The following MCC variants were observed in gnomAD, a reference collection of about 807,000 sequenced individuals.
The protein encoded by MCC is MCC regulator of Wnt signaling pathway.
In MCC, 90 loss-of-function variants were observed where a neutral mutation model predicts 116.2. The ratio of observed to expected loss-of-function variants is 0.77; its 90% CI spans 0.65 to 0.92. The LOEUF is 0.92. Ranked by LOEUF, MCC falls within the 40% of genes least tolerant of loss-of-function variation. MCC has a pLI of 0.00. For synonymous variants in MCC, 578 were observed against 510.5 expected, an observed-to-expected ratio of 1.13 and a Z score of -1.78; for missense variants, 1,516 against 1,312.2, an observed-to-expected ratio of 1.16 and a Z score of -2.40.
chr5:113,289,222 T>C (rs887243398), intron 3 of MCC, among the ~76,000 whole-genome samples: 2 of 150,172 alleles, frequency 1.3e-5, no homozygotes. Flanking sequence ...TCCCAGCTAC[T>C]CAGGAGGCTG....
intron 1 of MCC, among the ~76,000 whole-genome samples, chr5:113,406,897 T>C (rs556738296): frequency 6.6e-6 from 1 of 152,272 alleles, no homozygotes; most frequent in African/African-American, 2.4e-5. Context: ...TCCTTAGGCC[T>C]GCCTTAAAGG....
At chr5:113,414,067 T>A (rs548476112) in intron 1 of MCC, among the ~76,000 whole-genome samples, 120 of 152,312 alleles carry the variant, frequency 7.9e-4, no homozygotes, top group African/African-American at 2.7e-3. Context: ...TCAGTTTCCA[T>A]GTAGTTGTGC....
At chr5:113,416,229 C>T (rs572782747) in intron 1 of MCC, among the ~76,000 whole-genome samples, 110 of 152,300 alleles carry the variant, frequency 7.2e-4, no homozygotes, top group Admixed American at 2.9e-3. Context: ...AAGGTCCCGA[C>T]TTTTCTGTAT....
At chr5:113,440,357 C>G (rs536150868) in intron 1 of MCC, among the ~76,000 whole-genome samples, 72 of 152,262 alleles carry the variant, frequency 4.7e-4, no homozygotes, top group African/African-American at 1.6e-3. Context: ...CCCTCAGACA[C>G]TCTACTTCAG....
chr5:113,376,334 A>G (rs1262048162), intron 2 of MCC, among the ~76,000 whole-genome samples: 1 of 152,194 alleles, frequency 6.6e-6, no homozygotes, highest in Admixed American at 6.5e-5. Context: ...TACTCACCCA[A>G]TGCATGCCCT....
In MCC at chr5:113,084,031, G is replaced by A. The variant is rs941871771; in HGVS notation, c.1635+70C>T. On this transcript the variant is annotated intron_variant, in intron 10 of 18. Transcript: ENST00000408903. Reference sequence around the variant, plus strand: ...GGAGATAGACTTTGGAAGTTCTTCTGTCATCTATAATCCATTGTCTGTGTA... The same window carrying A: ...GGAGATAGACTTTGGAAGTTCTTCTATCATCTATAATCCATTGTCTGTGTA... The A allele has an allele frequency of 4.1e-6, 5 of 1,205,312 alleles. No individual in the cohort carries two copies. The Admixed American group carries it at 7.3e-5, about 18-fold the overall frequency. The allele number at this position is 1,205,312 out of a possible 1,614,324, so 74.7% of individuals were successfully genotyped here. A position where few individuals can be genotyped will look rare whatever the true frequency, so the allele number is the denominator to read the frequency against.
chr5:113,040,510 T>C (rs1404285571), intron 17 of MCC, among the ~76,000 whole-genome samples: 1 of 152,166 alleles, frequency 6.6e-6, no homozygotes, highest in Non-Finnish European at 1.5e-5. Flanking sequence ...GCTGGTAAGA[T>C]TCCCCCAGCT....
At chr5:113,249,139 GCTCTCT>G (rs57174154) in intron 3 of MCC, among the ~76,000 whole-genome samples, 23 of 149,384 alleles carry the variant, frequency 1.5e-4, no homozygotes, top group African/African-American at 4.9e-4. Flanking sequence ...ACCGCACCCA[GCTCTCT>G]CTCTCTCTCT....
At chr5:113,444,322 A>C (rs559278106) in intron 1 of MCC, among the ~76,000 whole-genome samples, 1 of 152,256 alleles carries the variant, frequency 6.6e-6, no homozygotes, top group Non-Finnish European at 1.5e-5. Context: ...AAAGTAAGGG[A>C]TAAGAAGAGA....
chr5:113,469,803 T>A (rs1772028620), intron 1 of MCC, among the ~76,000 whole-genome samples: 1 of 152,172 alleles, frequency 6.6e-6, no homozygotes, highest in African/African-American at 2.4e-5. Context: ...CCCATTATTA[T>A]TGTGTGGGAG....
At chr5:113,287,072 A>G (rs887052995) in intron 3 of MCC, among the ~76,000 whole-genome samples, 1 of 152,076 alleles carries the variant, frequency 6.6e-6, no homozygotes, top group African/African-American at 2.4e-5. Context: ...GAATCCGGGC[A>G]GATATATGGG....
chr5:113,022,678 T>C lies in MCC; in HGVS notation c.*4624A>G, dbSNP rs1750229537. The C allele has an allele frequency of 6.6e-6, 1 of 152,176 alleles. No homozygotes were observed. The highest frequency in any genetic ancestry group is 1.5e-5 in the Non-Finnish European group (1 of 68,028). The allele number at this position is 152,176 out of a possible 1,614,324, so 9.4% of individuals were successfully genotyped here. On this transcript the variant is annotated 3_prime_UTR_variant, in exon 19 of 19. Coordinates refer to ENST00000408903, the MANE Select transcript of MCC (RefSeq NM_001085377.2). ...CCACATGAATTTGACTTGCAAAAAG[T>C]GCAAAAGGGAATGGTAGAACCAGAA...
Position 113,063,857 on chromosome 5 carries a change from G to A in MCC, c.2213+127C>T. 2.0e-6 allele frequency: 2 copies of A among 999,238 alleles called. No homozygotes were observed. Among genetic ancestry groups the A allele is most frequent in the Non-Finnish European group, 2.9e-6 (2 of 683,270 alleles). The allele number at this position is 999,238 out of a possible 1,614,324, so 61.9% of individuals were successfully genotyped here. A position where few individuals can be genotyped will look rare whatever the true frequency, so the allele number is the denominator to read the frequency against. ...CCTTTTTGGATGGAGCAGGCTGCAT[G>A]CCAGAAGCCATGTCTGCCTTTTCCC... On this transcript the variant is annotated intron_variant, in intron 14 of 18. Coordinates refer to ENST00000408903, the MANE Select transcript of MCC (RefSeq NM_001085377.2).
intron 1 of MCC, among the ~76,000 whole-genome samples, chr5:113,446,431 C>T (rs1364879884): frequency 1.3e-5 from 2 of 151,934 alleles, no homozygotes; most frequent in Non-Finnish European, 2.9e-5. Flanking sequence ...AAAAAGTGGG[C>T]AAAAGACAGA....
At chr5:113,252,418 T>A (rs1413337421) in intron 3 of MCC, among the ~76,000 whole-genome samples, 1 of 152,320 alleles carries the variant, frequency 6.6e-6, no homozygotes, top group East Asian at 1.9e-4. Context: ...TGAACTCTAT[T>A]GTAAACTGAG....
chr5:113,278,215 G>A (rs1468838941), intron 3 of MCC, among the ~76,000 whole-genome samples: 1 of 152,108 alleles, frequency 6.6e-6, no homozygotes, highest in African/African-American at 2.4e-5. Flanking sequence ...TGTGACCTTG[G>A]ACAAGATCCT....
intron 5 of MCC, among the ~76,000 whole-genome samples, chr5:113,133,267 T>C (rs1019307542): frequency 6.6e-6 from 1 of 152,162 alleles, no homozygotes; most frequent in Non-Finnish European, 1.5e-5. Flanking sequence ...GTACCCATTA[T>C]TCAACCTCTC....
At position 113,340,540 on chromosome 5, in the gene MCC, G is replaced by C; in HGVS notation, c.606C>G (p.Ser202Arg). The C allele has an allele frequency of 6.2e-7, 1 of 1,614,172 alleles. No homozygotes were observed. Among genetic ancestry groups the C allele is most frequent in the Non-Finnish European group, 8.5e-7 (1 of 1,180,010 alleles). ...SPHIGNSVGG[S>R]YLELANTLHS... ...TCACTGTGTTGGCCAGCTCTAGATA[G>C]CTTCCTCCTACAGAGTTGCCAATGT... The change falls in exon 3 of 19, where the codon AGC becomes AGG. Residue 202 changes from serine to arginine, a missense_variant. By Grantham distance (110) the Ser-to-Arg change is moderately radical. Coordinates refer to ENST00000408903, the MANE Select transcript of MCC (RefSeq NM_001085377.2).
intron 17 of MCC, among the ~76,000 whole-genome samples, chr5:113,031,291 C>A (rs1271264458): frequency 6.6e-6 from 1 of 152,104 alleles, no homozygotes; most frequent in East Asian, 1.9e-4. Context: ...TTTTCCTGGG[C>A]CCTAGCAGCC....
Sources: gnomAD v4.1 joint callset for allele counts (sites outside exome capture counted in the v4.1 genomes callset) on GRCh38, gnomAD v4.1.1 for gene constraint, MANE v1.5 for transcripts, NCBI Gene and HGNC (gene_info 2026-07-23, HGNC 2026-07-21) for gene names.